Variants in KCNAB1 observed in about 807,000 individuals in gnomAD.
KCNAB1 encodes potassium voltage-gated channel subfamily A regulatory beta subunit 1, also known as voltage-gated potassium channel subunit beta-1.
Under a neutral mutation model 64.6 loss-of-function variants are expected in KCNAB1, and 35 were observed. That is an observed-to-expected ratio of 0.54 (90% CI 0.41 to 0.72). The LOEUF (loss-of-function observed/expected upper bound fraction) is 0.72, where lower values mean the gene tolerates loss of function less well. Ranked by LOEUF, KCNAB1 falls within the 30% of genes least tolerant of loss-of-function variation. The pLI is 0.00. For synonymous variants in KCNAB1, 177 were observed against 183.8 expected, an observed-to-expected ratio of 0.96 and a Z score of 0.30; for missense variants, 401 against 512.9, an observed-to-expected ratio of 0.78 and a Z score of 2.11.
intron 1 of KCNAB1, among the ~76,000 whole-genome samples, chr3:156,163,561 A>G (rs541094650): frequency 6.6e-6 from 1 of 152,308 alleles, no homozygotes; most frequent in South Asian, 2.1e-4. Context: ...GTCAGGGCGT[A>G]CCTCACCTAA....
chr3:156,291,573 C>A, intron 1 of KCNAB1: 1 of 1,208,456 alleles, frequency 8.3e-7, no homozygotes, highest in South Asian at 1.8e-5. Flanking sequence ...TCTGTAAAAA[C>A]CTCCCCCACT....
chr3:156,249,782 G>C (rs570263577), intron 1 of KCNAB1, among the ~76,000 whole-genome samples: 72 of 152,212 alleles, frequency 4.7e-4, no homozygotes, highest in Non-Finnish European at 7.8e-4. Flanking sequence ...TGTGCTAGTG[G>C]GGCCAGAAAG....
rs1245614226 is a variant in KCNAB1 at position 156,120,823 on chromosome 3, A to T, written c.212A>T (p.Tyr71Phe). Residue 71 changes from tyrosine to phenylalanine, a missense_variant, in exon 1 of 14, where the codon TAC (tyrosine) becomes TTC (phenylalanine). By Grantham distance (22) the Tyr-to-Phe change is conservative (BLOSUM62 3). Coordinates refer to ENST00000490337, the MANE Select transcript of KCNAB1 (RefSeq NM_172160.3). ...CTGCGCGAAGTGGAGATGAACTGGT[A>T]CCTAAAGCTCTGCGACCTGTCCAGC... ...ALLREVEMNW[Y>F]LKLCDLSSEH... 1.9e-6 allele frequency: 3 copies of T among 1,614,086 alleles called. No individual in the cohort carries two copies. Among genetic ancestry groups the T allele is most frequent in the Non-Finnish European group, 2.5e-6 (3 of 1,180,046 alleles).
intron 1 of KCNAB1, among the ~76,000 whole-genome samples, chr3:156,391,703 C>T (rs1005808415): frequency 2.0e-5 from 3 of 152,148 alleles, no homozygotes; most frequent in African/African-American, 4.8e-5. Flanking sequence ...TCTAACAGAA[C>T]GGGGTTCCAG....
chr3:156,265,475 G>A (rs1041844912), intron 1 of KCNAB1, among the ~76,000 whole-genome samples: 2 of 152,158 alleles, frequency 1.3e-5, no homozygotes, highest in Admixed American at 6.5e-5. Flanking sequence ...CACCATGAGT[G>A]TGGTGACTGG....
chr3:156,405,873 A>T (rs1714212384), intron 1 of KCNAB1, among the ~76,000 whole-genome samples: 1 of 152,246 alleles, frequency 6.6e-6, no homozygotes. Context: ...TTTTGTACAT[A>T]AACCTAATTT....
chr3:156,342,609 A>ATTTTTTTTTTT (rs59689669), intron 1 of KCNAB1, among the ~76,000 whole-genome samples: 18 of 104,668 alleles, frequency 1.7e-4, no homozygotes, highest in Admixed American at 3.1e-4. Flanking sequence ...TTTTTTTTTA[A>ATTTTTTTTTTT]TTTTTTTTTT....
At chr3:156,526,861 C>CAA (rs11314730) in intron 12 of KCNAB1, among the ~76,000 whole-genome samples, 7 of 142,402 alleles carry the variant, frequency 4.9e-5, no homozygotes, top group Non-Finnish European at 7.7e-5. Flanking sequence ...TGATTCTAGA[C>CAA]AAAAAAAAAA....
At chr3:156,438,715 A>G (rs1385919727) in intron 2 of KCNAB1, among the ~76,000 whole-genome samples, 2 of 152,154 alleles carry the variant, frequency 1.3e-5, no homozygotes, top group Non-Finnish European at 1.5e-5. Flanking sequence ...TACTATTGAA[A>G]TCATTGACAG....
intron 1 of KCNAB1, among the ~76,000 whole-genome samples, chr3:156,417,449 G>C (rs1715153319): frequency 6.6e-6 from 1 of 152,096 alleles, no homozygotes; most frequent in South Asian, 2.1e-4. Context: ...TTTAAATCGG[G>C]GATTTTGCCC....
At chr3:156,483,050 G>A (rs1714944215) in intron 8 of KCNAB1, among the ~76,000 whole-genome samples, 1 of 152,106 alleles carries the variant, frequency 6.6e-6, no homozygotes, top group Non-Finnish European at 1.5e-5. Flanking sequence ...AATTACACTA[G>A]AATTCACGCA....
chr3:156,379,174 C>A (rs180826671), intron 1 of KCNAB1, among the ~76,000 whole-genome samples: 6 of 152,170 alleles, frequency 3.9e-5, no homozygotes, highest in African/African-American at 1.4e-4. Flanking sequence ...TGAGAAGAGT[C>A]GGGATCCTGT....
rs372548231 is a variant in KCNAB1 at position 156,514,913 on chromosome 3, G to C, written c.745-187G>C. Reference sequence around the variant, plus strand: ...CCAAACCCTCCCAAAGAATTAATAAGGGTTTCCTACCTTTCATATTGCTCT... The same window carrying C: ...CCAAACCCTCCCAAAGAATTAATAACGGTTTCCTACCTTTCATATTGCTCT... On this transcript the variant is annotated intron_variant, in intron 9 of 13. Transcript: ENST00000490337. Among the ~76,000 whole-genome samples, 9 of 152,254 alleles carry C rather than the reference G, an allele frequency of 5.9e-5. No individual in the cohort carries two copies. The East Asian group carries it at 1.7e-3, about 29-fold the overall frequency.
intron 1 of KCNAB1, among the ~76,000 whole-genome samples, chr3:156,160,393 T>C (rs1259190004): frequency 6.6e-6 from 1 of 152,220 alleles, no homozygotes; most frequent in Admixed American, 6.5e-5. Context: ...AAACATGTAA[T>C]GTAGTAGGAG....
chr3:156,215,800 T>C (rs1017046810), intron 1 of KCNAB1: 1 of 152,202 alleles, frequency 6.6e-6, no homozygotes, highest in African/African-American at 2.4e-5. Context: ...TGGCCTCCAC[T>C]GCTGCCTACA....
intron 8 of KCNAB1, among the ~76,000 whole-genome samples, chr3:156,509,625 G>A (rs1717059404): frequency 6.6e-6 from 1 of 152,196 alleles, no homozygotes; most frequent in South Asian, 2.1e-4. Context: ...TGTAGTCGGA[G>A]TTGAGAACCA....
intron 1 of KCNAB1, chr3:156,291,157 C>T (rs915834851): frequency 2.0e-6 from 2 of 985,414 alleles, no homozygotes; most frequent in Middle Eastern, 5.2e-4. Context: ...GCCTTCCCAT[C>T]GCACACAAAG....
rs779486541 is a variant in KCNAB1, at chr3:156,171,194, T to TAC, written c.275+50339_275+50340dup. On this transcript the variant is annotated intron_variant, in intron 1 of 13. Coordinates refer to ENST00000490337, the MANE Select transcript of KCNAB1 (RefSeq NM_172160.3). ...TATAGTTAGAAACTTCACGCACACA[T>TAC]ACACACACACACACACACACACACA... 5.0e-3 allele frequency among the ~76,000 whole-genome samples: 744 copies of TAC among 147,702 alleles called. 5 individuals carry two copies. The highest frequency in any genetic ancestry group is 0.014 in the South Asian group (66 of 4,624).
intron 1 of KCNAB1, among the ~76,000 whole-genome samples, chr3:156,138,708 A>G (rs1489624464): frequency 6.6e-6 from 1 of 152,204 alleles, no homozygotes; most frequent in Non-Finnish European, 1.5e-5. Context: ...TTACTTTTTA[A>G]GATACACAGA....
Sources: allele counts gnomAD v4.1 joint callset (sites outside exome capture counted in the v4.1 genomes callset), GRCh38; gene constraint gnomAD v4.1.1; transcripts MANE v1.5; gene names NCBI Gene and HGNC (gene_info 2026-07-23, HGNC 2026-07-21).